COL5A1: variants seen among roughly 807,000 people sequenced by gnomAD.
The protein encoded by COL5A1 is collagen type V alpha 1 chain.
In COL5A1, 16 loss-of-function variants were observed where a neutral mutation model predicts 263.7. The ratio of observed to expected loss-of-function variants is 0.06; its 90% CI spans 0.04 to 0.09. The LOEUF is 0.09. Ranked by LOEUF, COL5A1 falls within the 10% of genes least tolerant of loss-of-function variation. The pLI is 1.00. For synonymous variants in COL5A1, 1,012 were observed against 1,004.5 expected (o/e 1.01, Z -0.14); for missense variants, 2,036 against 2,540.5 (o/e 0.80, Z 4.27).
chr9:134,777,682 C>T (rs1206267535), intron 27 of COL5A1, among the ~76,000 whole-genome samples: 1 of 152,160 alleles, frequency 6.6e-6, no homozygotes, highest in Admixed American at 6.5e-5. Context: ...GTCCTACCTG[C>T]CTGCTCTCAG....
rs1452057131 is a variant in COL5A1 at position 134,817,900 on chromosome 9, G to A, written c.4230+69G>A. 5 of 1,463,724 alleles carry A rather than the reference G, an allele frequency of 3.4e-6. No individual in the cohort carries two copies. In the South Asian group the frequency reaches 3.6e-5, roughly 11 times the overall value. 90.7% of individuals were successfully genotyped at this position (1,463,724 alleles called of 1,614,324 possible). A position where few individuals can be genotyped will look rare whatever the true frequency, so the allele number is the denominator to read the frequency against. ...CAGGGGAGCCCAGAGGGTGGGGAGT[G>A]GACAAGCGTGTGGGCAGAGATGTCC... On this transcript the variant is annotated intron_variant, in intron 54 of 65. Transcript: ENST00000371817.
chr9:134,809,065 G>A, intron 42 of COL5A1, 118 bp from the exon 43 acceptor site: 13 of 894,968 alleles, frequency 1.5e-5, no homozygotes, highest in Admixed American at 2.0e-5. Context: ...CTGTGGGGAC[G>A]GTCACCCTCA....
At chr9:134,805,617 G>A (rs903685950) in intron 41 of COL5A1, among the ~76,000 whole-genome samples, 6 of 152,192 alleles carry the variant, frequency 3.9e-5, no homozygotes, top group Admixed American at 2.0e-4. Flanking sequence ...TGCCCACGGC[G>A]GGGGCCCACT....
intron 63 of COL5A1, among the ~76,000 whole-genome samples, chr9:134,828,817 A>ACACACAC (rs1167244738): frequency 6.7e-6 from 1 of 150,184 alleles, no homozygotes; most frequent in Non-Finnish European, 1.5e-5. Context: ...GATACCACAC[A>ACACACAC]CACACACCAC....
chr9:134,830,144 A>T, intron 64 of COL5A1, 100 bp downstream of exon 64: 1 of 1,612,158 alleles, frequency 6.2e-7, no homozygotes, highest in South Asian at 1.1e-5. Context: ...GCAGCCTTCC[A>T]CCTGGTATAG....
rs1018516936 is a variant in COL5A1 at position 134,843,749 on chromosome 9, C to G, written c.*1446C>G. ...ATTTCTGTGTTTGTTCCAAGCCGTT[C>G]AGTCATGCCATGCGCTGCCTCGGTA... On this transcript the variant is annotated 3_prime_UTR_variant, in exon 66 of 66. Transcript: ENST00000371817. 1.3e-5 allele frequency: 2 copies of G among 152,714 alleles called. No individual in the cohort carries two copies. The highest frequency in any genetic ancestry group is 4.8e-5 in the African/African-American group (2 of 41,478). The allele number at this position is 152,714 out of a possible 1,614,324, so 9.5% of individuals were successfully genotyped here.
At chr9:134,825,331 C>T (rs187658803) in intron 62 of COL5A1, among the ~76,000 whole-genome samples, 1 of 152,340 alleles carries the variant, frequency 6.6e-6, no homozygotes, top group East Asian at 1.9e-4. Context: ...CTTCTCCTCA[C>T]CATCATAGCC....
rs562120290 is a variant in COL5A1, at chr9:134,816,590, C to T, written c.4123-436C>T. ...GGCCATGTCACTGAGTTGAGAGGAG[C>T]GTCCACTCAGAGAAGGGGTTAGGGA... is the stretch of plus-strand genomic sequence containing the variant. On this transcript the variant is annotated intron_variant, in intron 52 of 65. Coordinates refer to ENST00000371817, the MANE Select transcript of COL5A1 (RefSeq NM_000093.5). 3.1e-3 allele frequency among the ~76,000 whole-genome samples: 470 copies of T among 152,364 alleles called. 3 individuals are homozygous for T. Among genetic ancestry groups the T allele is most frequent in the African/African-American group, 0.01 (418 of 41,590 alleles).
rs539355981 is a variant in COL5A1, at chr9:134,756,635, C to A, written c.1828-130C>A. 1.1e-5 allele frequency: 11 copies of A among 1,013,408 alleles called. No individual in the cohort carries two copies. In the South Asian group the frequency reaches 1.4e-4, roughly 13 times the overall value. The allele number at this position is 1,013,408 out of a possible 1,614,324, so 62.8% of individuals were successfully genotyped here. On this transcript the variant is annotated intron_variant, in intron 16 of 65. Coordinates refer to ENST00000371817, the MANE Select transcript of COL5A1 (RefSeq NM_000093.5). ...GGGTCCTCGCAGCAGCCCGGCCACT[C>A]GGGCTGTGACCTTGGGGGTGGGCGC...
chr9:134,718,672 A>G (rs1834352159), intron 4 of COL5A1, among the ~76,000 whole-genome samples: 1 of 152,128 alleles, frequency 6.6e-6, no homozygotes, highest in Non-Finnish European at 1.5e-5. Context: ...TGTGTGCAGG[A>G]TGTGTGACTT....
chr9:134,817,516 C>T (rs1034727486), intron 53 of COL5A1, among the ~76,000 whole-genome samples: 3 of 152,238 alleles, frequency 2.0e-5, no homozygotes, highest in Middle Eastern at 3.2e-3. Context: ...CGCCTCCCCA[C>T]GTGGCCTGAG....
Position 134,745,009 on chromosome 9 carries a change from G to T in COL5A1, c.1495-5533G>T, listed in dbSNP as rs568643813. Among the ~76,000 whole-genome samples the T allele has an allele frequency of 1.7e-3, 252 of 152,368 alleles. 2 individuals carry two copies. The highest frequency in any genetic ancestry group is 0.015 in the South Asian group (71 of 4,832). On this transcript the variant is annotated intron_variant, in intron 11 of 65. Coordinates refer to ENST00000371817, the MANE Select transcript of COL5A1 (RefSeq NM_000093.5). ...TCCATGGAGGCTGGTCTGCAGGCTTGTGTGCCCGAATCCCCAGCAGCCTGG... is the reference window on the plus strand; with the variant it reads ...TCCATGGAGGCTGGTCTGCAGGCTTTTGTGCCCGAATCCCCAGCAGCCTGG...
rs974968188 is a variant in COL5A1 at position 134,716,936 on chromosome 9, C to T, written c.655-10330C>T. ...GGGGACAGCAGAAAGCAATTTCCGA[C>T]GACATGAAAATATTTCTCTGACACT... On this transcript the variant is annotated intron_variant, in intron 4 of 65. Coordinates refer to ENST00000371817, the MANE Select transcript of COL5A1 (RefSeq NM_000093.5). This position sits in a 1 kb window ranked among gnomAD's most constrained non-coding sequence, Gnocchi z 4.5. 8.5e-5 allele frequency among the ~76,000 whole-genome samples: 13 copies of T among 152,062 alleles called. No homozygotes were observed. The highest frequency in any genetic ancestry group is 1.9e-4 in the Non-Finnish European group (13 of 68,034).
Position 134,756,821 on chromosome 9 carries a change from AG to A in COL5A1, c.1881+5del. On this transcript the variant is annotated splice_donor_region_variant and intron_variant, in intron 17 of 65. Coordinates refer to ENST00000371817, the MANE Select transcript of COL5A1 (RefSeq NM_000093.5). ...TGCCTGGACAAACTGGCCCCAAGGT[AG>A]GTCACCCACCACCCTCCTGGTGCCC... 6.2e-7 allele frequency: 1 copy of A among 1,613,944 alleles called. No individual in the cohort carries two copies. The highest frequency in any genetic ancestry group is 8.5e-7 in the Non-Finnish European group (1 of 1,179,936).
chr9:134,652,697 C>T lies in COL5A1; in HGVS notation c.109+10401C>T, dbSNP rs759792164. 46 of 470,870 alleles carry T rather than the reference C, an allele frequency of 9.8e-5. No individual in the cohort carries two copies. The highest frequency in any genetic ancestry group is 8.3e-4 in the East Asian group (12 of 14,394). The allele number at this position is 470,870 out of a possible 1,614,324, so 29.2% of individuals were successfully genotyped here. On this transcript the variant is annotated intron_variant, in intron 1 of 65. Coordinates refer to ENST00000371817, the MANE Select transcript of COL5A1 (RefSeq NM_000093.5). The surrounding 1 kb of genome is among the most constrained non-coding windows in gnomAD (Gnocchi z 4.4). ...GATAGAGGAAGCAAAGGTGAGATTC[C>T]GTGGCCTCACCCCATGGTCTTCTCA...
intron 4 of COL5A1, among the ~76,000 whole-genome samples, chr9:134,708,065 G>A (rs1220551111): frequency 1.3e-5 from 2 of 152,210 alleles, no homozygotes; most frequent in Admixed American, 6.5e-5. Context: ...GATGAGCTGC[G>A]TTCCCCTGTG....
chr9:134,662,224 T>C (rs1321548832), intron 1 of COL5A1, among the ~76,000 whole-genome samples: 12 of 152,018 alleles, frequency 7.9e-5, no homozygotes, highest in African/African-American at 2.9e-4. Flanking sequence ...TTTCCTGATC[T>C]GATCTCTGCA....
rs757339792 is a variant in COL5A1, at chr9:134,774,865, C to T, written c.2338C>T (p.Pro780Ser). The change falls in exon 27 of 66, where the codon CCT (proline) becomes TCT (serine). Residue 780 changes from proline to serine, a missense_variant. Coordinates refer to ENST00000371817, the MANE Select transcript of COL5A1 (RefSeq NM_000093.5). ...PPGEKGGQGPPGPQGPIGYPG... is the reference protein window; with the variant it reads ...PPGEKGGQGPSGPQGPIGYPG... ...TTTTTCTGTTTGGTTTTAGGGTCCACCTGGCCCCCAGGGTCCGATTGGCTA... is the reference window on the plus strand; with the variant it reads ...TTTTTCTGTTTGGTTTTAGGGTCCATCTGGCCCCCAGGGTCCGATTGGCTA... 3 of 1,613,896 alleles carry T rather than the reference C, an allele frequency of 1.9e-6. No individual in the cohort carries two copies. Among genetic ancestry groups the T allele is most frequent in the South Asian group, 1.1e-5 (1 of 90,966 alleles).
At position 134,719,586 on chromosome 9, in the gene COL5A1, C is replaced by T. The variant is rs752883594; in HGVS notation, c.655-7680C>T. On this transcript the variant is annotated intron_variant, in intron 4 of 65. Transcript: ENST00000371817. ...CCTGCAGGAGGGCTGGAAAACAGCA[C>T]GAAGAGGACAGCAGCAAGGGAGACC... 5.3e-5 allele frequency among the ~76,000 whole-genome samples: 8 copies of T among 152,196 alleles called. 1 individual carries two copies. The highest frequency in any genetic ancestry group is 6.5e-5 in the Admixed American group (1 of 15,290).
Sources: allele counts gnomAD v4.1 joint callset (sites outside exome capture counted in the v4.1 genomes callset), GRCh38; gene constraint gnomAD v4.1.1; non-coding constraint Gnocchi (gnomAD v3.1); transcripts MANE v1.5; gene names NCBI Gene and HGNC (gene_info 2026-07-23, HGNC 2026-07-21).